The following C19orf47 variants were observed in gnomAD, a reference collection of about 807,000 sequenced individuals.
The protein encoded by C19orf47 is chromosome 19 open reading frame 47, also known as uncharacterized protein C19orf47.
A neutral mutation model predicts 32.3 loss-of-function variants in C19orf47; 18 were observed. The ratio of observed to expected loss-of-function variants is 0.56; its 90% CI spans 0.39 to 0.83. C19orf47 has a LOEUF of 0.83. Ranked by LOEUF, C19orf47 falls within the 40% of genes least tolerant of loss-of-function variation. The pLI is 0.00. For synonymous variants in C19orf47, 202 were observed against 211.1 expected (o/e 0.96, Z 0.37); for missense variants, 484 against 531.6 (o/e 0.91, Z 0.88).
At position 40,321,589 on chromosome 19, in the gene C19orf47, C is replaced by A. The variant is rs2077718769; in HGVS notation, c.*293G>T. ...GGGAATGTAGGAGAGGAAGAAGCCC[C>A]CTGGCACTTGGGAGAGGTAGAAAAG... On this transcript the variant is annotated 3_prime_UTR_variant, in exon 9 of 9. Coordinates refer to ENST00000683109, the MANE Select transcript of C19orf47 (RefSeq NM_001256441.2). The A allele has an allele frequency of 2.5e-6, 3 of 1,186,550 alleles. No individual in the cohort carries two copies. Among genetic ancestry groups the A allele is most frequent in the Non-Finnish European group, 1.0e-6 (1 of 955,506 alleles). The allele number at this position is 1,186,550 out of a possible 1,614,324, so 73.5% of individuals were successfully genotyped here.
chr19:40,342,761 T>A (rs1019050226), intron 1 of C19orf47, among the ~76,000 whole-genome samples: 1 of 152,116 alleles, frequency 6.6e-6, no homozygotes, highest in East Asian at 1.9e-4. Context: ...AGAGAAAAAG[T>A]GTTCCAGAAG....
At chr19:40,339,665 T>C (rs2078136781) in intron 2 of C19orf47, among the ~76,000 whole-genome samples, 1 of 152,116 alleles carries the variant, frequency 6.6e-6, no homozygotes, top group African/African-American at 2.4e-5. Flanking sequence ...CCACTGGTAA[T>C]ACAACTATAA....
At chr19:40,326,920 T>C (rs1377353222) in intron 6 of C19orf47, among the ~76,000 whole-genome samples, 1 of 152,046 alleles carries the variant, frequency 6.6e-6, no homozygotes, top group Non-Finnish European at 1.5e-5. Flanking sequence ...ATTTAAAAAA[T>C]GAATCCCCTC....
chr19:40,322,423 A>G (rs763114585), intron 8 of C19orf47, 47 bp from the exon 9 acceptor site: 29 of 1,515,790 alleles, frequency 1.9e-5, no homozygotes, highest in Non-Finnish European at 2.5e-5. Flanking sequence ...GTCACTCAAC[A>G]CACATTCATG....
chr19:40,330,088 C>CA (rs2077917710), intron 5 of C19orf47, among the ~76,000 whole-genome samples: 1 of 152,204 alleles, frequency 6.6e-6, no homozygotes, highest in South Asian at 2.1e-4. Flanking sequence ...CCACTCCTGA[C>CA]AGACACATCA....
At chr19:40,304,267 C>A in the C19orf47 span, among the ~76,000 whole-genome samples, 6 of 152,172 alleles carry the variant, frequency 3.9e-5, no homozygotes, top group Non-Finnish European at 8.8e-5. Flanking sequence ...CAAAATACAT[C>A]CCTTTGATAG....
At chr19:40,341,654 A>G (rs1299645647) in intron 2 of C19orf47, 185 bp downstream of exon 2, 2 of 775,210 alleles carry the variant, frequency 2.6e-6, no homozygotes, top group Non-Finnish European at 4.0e-6. Context: ...GTCAGGAGAG[A>G]GATCCAGTGA....
Position 40,321,434 on chromosome 19 carries a change from C to A in C19orf47, c.*448G>T. On this transcript the variant is annotated 3_prime_UTR_variant, in exon 9 of 9. Transcript: ENST00000683109. Reference sequence around the variant, plus strand: ...GAAGTCACAGCAGTGGGGGGAGGCGCAGAGGAGTGAGGGAGGTCAGTGGGG... The same window carrying A: ...GAAGTCACAGCAGTGGGGGGAGGCGAAGAGGAGTGAGGGAGGTCAGTGGGG... The A allele has an allele frequency of 1.0e-6, 1 of 1,001,202 alleles. No individual in the cohort carries two copies. Among genetic ancestry groups the A allele is most frequent in the African/African-American group, 1.7e-5 (1 of 57,444 alleles). The allele number at this position is 1,001,202 out of a possible 1,614,324, so 62.0% of individuals were successfully genotyped here.
the C19orf47 span, among the ~76,000 whole-genome samples, chr19:40,308,150 CTTTATTTA>C: frequency 1.3e-5 from 2 of 151,456 alleles, no homozygotes; most frequent in African/African-American, 2.4e-5. Flanking sequence ...GGAAAGGCAA[CTTTATTTA>C]TTTATTTATT....
chr19:40,319,183 T>C (rs1014253095), downstream of C19orf47, among the ~76,000 whole-genome samples: 19 of 151,630 alleles, frequency 1.3e-4, no homozygotes, highest in African/African-American at 3.4e-4. Context: ...GGCAGGAGAA[T>C]AGCTGGAACC....
At chr19:40,304,765 C>T in the C19orf47 span, among the ~76,000 whole-genome samples, 1 of 152,112 alleles carries the variant, frequency 6.6e-6, no homozygotes, top group Non-Finnish European at 1.5e-5. Context: ...TAATATGTAG[C>T]CCAGTCAAAG....
At chr19:40,303,584 T>C in the C19orf47 span, among the ~76,000 whole-genome samples, 1 of 146,592 alleles carries the variant, frequency 6.8e-6, no homozygotes, top group African/African-American at 2.5e-5. Flanking sequence ...CCGAGGCAGG[T>C]GGATCACAAG....
At chr19:40,326,916 A>G (rs2077842690) in intron 6 of C19orf47, among the ~76,000 whole-genome samples, 1 of 152,192 alleles carries the variant, frequency 6.6e-6, no homozygotes, top group Admixed American at 6.5e-5. Flanking sequence ...CTCAATTTAA[A>G]AAATGAATCC....
At chr19:40,297,570 G>A in the C19orf47 span, among the ~76,000 whole-genome samples, 2 of 152,054 alleles carry the variant, frequency 1.3e-5, no homozygotes, top group Non-Finnish European at 1.5e-5. Context: ...GCATGGTGGC[G>A]GGCATCTGTA....
At chr19:40,303,301 A>G in the C19orf47 span, among the ~76,000 whole-genome samples, 3 of 151,682 alleles carry the variant, frequency 2.0e-5, no homozygotes, top group Non-Finnish European at 4.4e-5. Flanking sequence ...AGGTGGGGGG[A>G]TCACGAGGTC....
At chr19:40,304,624 T>C in the C19orf47 span, among the ~76,000 whole-genome samples, 1 of 152,236 alleles carries the variant, frequency 6.6e-6, no homozygotes, top group African/African-American at 2.4e-5. Flanking sequence ...CTCTTTTTTC[T>C]GTAGCTCAGG....
the C19orf47 span, among the ~76,000 whole-genome samples, chr19:40,308,515 G>A: frequency 6.9e-6 from 1 of 145,092 alleles, no homozygotes; most frequent in East Asian, 2.0e-4. Context: ...CCAGGCTGCA[G>A]TGCAGTGGCG....
intron 1 of C19orf47, among the ~76,000 whole-genome samples, chr19:40,345,828 A>T (rs905504656): frequency 2.0e-5 from 3 of 146,952 alleles, no homozygotes; most frequent in Non-Finnish European, 4.5e-5. Context: ...CAGCCTGGGC[A>T]ACAGAGCAAG....
chr19:40,306,950 C>G, the C19orf47 span, among the ~76,000 whole-genome samples: 2 of 151,596 alleles, frequency 1.3e-5, no homozygotes, highest in Admixed American at 6.6e-5. Flanking sequence ...CCACCTAGCC[C>G]GGCTAATTTT....
Sources: gnomAD v4.1 joint callset for allele counts (sites outside exome capture counted in the v4.1 genomes callset) on GRCh38, gnomAD v4.1.1 for gene constraint, MANE v1.5 for transcripts, NCBI Gene and HGNC (gene_info 2026-07-23, HGNC 2026-07-21) for gene names.